SYNE2: variants seen among roughly 807,000 people sequenced by gnomAD.
SYNE2 encodes the protein nesprin-2.
SYNE2 carries 431 observed loss-of-function variants against 856.3 expected under a neutral mutation model. The ratio of observed to expected loss-of-function variants is 0.50; its 90% confidence interval spans 0.47 to 0.55. SYNE2 has a LOEUF of 0.55. SYNE2 is among the 20% of genes least tolerant of loss of function. SYNE2 has a pLI of 0.00. For missense variants in SYNE2, 8,129 were observed against 8,023.2 expected, an observed-to-expected ratio of 1.01 and a Z score of -0.50; for synonymous variants, 2,923 against 2,872.3, an observed-to-expected ratio of 1.02 and a Z score of -0.56.
intron 66 of SYNE2, among the ~76,000 whole-genome samples, chr14:64,116,722 A>G (rs945144424): frequency 6.6e-6 from 1 of 152,308 alleles, no homozygotes; most frequent in East Asian, 1.9e-4. Context: ...GGCCAGTACC[A>G]TTACTTTTAA....
chr14:64,107,163 T>C (rs867392985), intron 64 of SYNE2, among the ~76,000 whole-genome samples: 1 of 152,188 alleles, frequency 6.6e-6, no homozygotes, highest in Non-Finnish European at 1.5e-5. Flanking sequence ...CCATGTAATT[T>C]AAATTTTCAT....
intron 60 of SYNE2, 68 bp downstream of exon 60, chr14:64,091,116 A>G: frequency 1.4e-6 from 2 of 1,430,470 alleles, no homozygotes; most frequent in South Asian, 2.4e-5. Context: ...TTTGGTTTTC[A>G]CTTCTAATTG....
intron 1 of SYNE2, among the ~76,000 whole-genome samples, chr14:63,883,045 C>T (rs1253761370): frequency 2.0e-5 from 3 of 146,722 alleles, no homozygotes; most frequent in African/African-American, 7.6e-5. Flanking sequence ...TGCTTCAGTT[C>T]TTTCTTTTAC....
At chr14:64,070,433 C>G (rs2097396855) in intron 51 of SYNE2, among the ~76,000 whole-genome samples, 1 of 152,172 alleles carries the variant, frequency 6.6e-6, no homozygotes, top group South Asian at 2.1e-4. Context: ...CACAGCAGTA[C>G]TCCATTTCAG....
chr14:64,157,630 CTATTT>C (rs2098296586), intron 85 of SYNE2, among the ~76,000 whole-genome samples: 1 of 152,120 alleles, frequency 6.6e-6, no homozygotes, highest in Admixed American at 6.5e-5. Flanking sequence ...TATGGCAACT[CTATTT>C]AATTTTTTGA....
At chr14:63,824,340 T>C (rs1257968298) in intron 1 of SYNE2, among the ~76,000 whole-genome samples, 2 of 151,896 alleles carry the variant, frequency 1.3e-5, no homozygotes, top group Non-Finnish European at 2.9e-5. Flanking sequence ...AGTGAGATTT[T>C]AAAAAATGCA....
At chr14:64,010,310 A>G (rs775000302) in intron 32 of SYNE2, among the ~76,000 whole-genome samples, 194 bp downstream of exon 32, 1 of 152,208 alleles carries the variant, frequency 6.6e-6, no homozygotes, top group African/African-American at 2.4e-5. Context: ...CACCAAGTTG[A>G]TGGTGGGTCA....
In SYNE2 at chr14:64,003,247, ACTC is replaced by A. The variant is rs1268709534; in HGVS notation, c.4317_4319del (p.Leu1440del). The A allele has an allele frequency of 6.2e-7, 1 of 1,613,548 alleles. No homozygotes were observed. The highest frequency in any genetic ancestry group is 8.5e-7 in the Non-Finnish European group (1 of 1,179,884). On this transcript the variant is annotated inframe_deletion, in exon 30 of 116. Coordinates refer to ENST00000555002, the MANE Select transcript of SYNE2 (RefSeq NM_182914.3). The stretch of plus-strand genomic sequence containing the variant: ...AGGCTTGTATTTTCAAAAATAATGA[ACTC>A]CTTAAAAATATTCAAGATGTGCAGA...
chr14:64,222,585 G>A (rs901704300), intron 112 of SYNE2, among the ~76,000 whole-genome samples: 6 of 152,120 alleles, frequency 3.9e-5, no homozygotes, highest in African/African-American at 1.4e-4. Context: ...AATTAGCTGG[G>A]CATGGTGGCA....
Position 63,954,699 on chromosome 14 carries a change from T to C in SYNE2, c.591-20T>C. On this transcript the variant is annotated intron_variant, in intron 7 of 115. Transcript: ENST00000555002. ...GTTCTTTTTAATGGTATTTGTCATG[T>C]TTTTGTCTTTTTATGATAGCTATGA... 2 of 1,610,520 alleles carry C rather than the reference T, an allele frequency of 1.2e-6. No individual in the cohort carries two copies. Among genetic ancestry groups the C allele is most frequent in the Non-Finnish European group, 1.7e-6 (2 of 1,176,968 alleles).
At chr14:64,106,994 A>C (rs2097776021) in intron 64 of SYNE2, among the ~76,000 whole-genome samples, 1 of 152,148 alleles carries the variant, frequency 6.6e-6, no homozygotes, top group South Asian at 2.1e-4. Flanking sequence ...CCACTCTTTG[A>C]AATGTGGCCT....
chr14:64,183,470 G>T (rs561185771), intron 96 of SYNE2, among the ~76,000 whole-genome samples: 2 of 151,454 alleles, frequency 1.3e-5, no homozygotes, highest in African/African-American at 2.4e-5. Flanking sequence ...CATCCCAGAC[G>T]ATGGGCGGCC....
intron 41 of SYNE2, among the ~76,000 whole-genome samples, chr14:64,025,785 A>G (rs929748559): frequency 5.9e-5 from 9 of 152,174 alleles, no homozygotes; most frequent in African/African-American, 2.2e-4. Context: ...ATGTCGAGGC[A>G]GGGGAGTTCT....
At position 63,807,961 on chromosome 14, in the gene SYNE2, G is replaced by A. The variant is rs1425164303; in HGVS notation, c.-304-44540G>A. Among the ~76,000 whole-genome samples, 3 of 147,086 alleles carry A rather than the reference G, an allele frequency of 2.0e-5. No individual in the cohort carries two copies. In the Admixed American group the frequency reaches 2.1e-4, roughly 10 times the overall value. Reference sequence around the variant, plus strand: ...TTTTGGTGCACCCATTACCTGAACAGTGTACCATGCCCAGTGTGTAGTTTT... The same window carrying A: ...TTTTGGTGCACCCATTACCTGAACAATGTACCATGCCCAGTGTGTAGTTTT... On this transcript the variant is annotated intron_variant, in intron 1 of 23. Transcript: ENST00000674003.
intron 49 of SYNE2, among the ~76,000 whole-genome samples, chr14:64,058,607 G>A (rs969175652): frequency 3.9e-5 from 6 of 152,060 alleles, no homozygotes; most frequent in African/African-American, 1.4e-4. Flanking sequence ...AGCCTCCCAG[G>A]TAACTGAGAT....
At position 63,915,248 on chromosome 14, in the gene SYNE2, T is replaced by C. The variant is rs116997159; in HGVS notation, c.79+6021T>C. Among the ~76,000 whole-genome samples the C allele has an allele frequency of 3.5e-3, 537 of 152,346 alleles. 12 individuals carry two copies. The East Asian group carries it at 0.06, about 17-fold the overall frequency. On this transcript the variant is annotated intron_variant, in intron 2 of 115. Transcript: ENST00000555002. ...TTAAAAGCATGATGCAGGTGGAGGATCTATTTGAAAGTCATAGTAACAAGC... is the reference window on the plus strand; with the variant it reads ...TTAAAAGCATGATGCAGGTGGAGGACCTATTTGAAAGTCATAGTAACAAGC...
At chr14:64,134,317 A>G (rs1320903569) in intron 78 of SYNE2, 117 bp downstream of exon 78, 1 of 1,064,902 alleles carries the variant, frequency 9.4e-7, no homozygotes. Context: ...TGTTCATCAT[A>G]CAACTCACTG....
At chr14:64,097,495 A>G (rs1349183473) in intron 61 of SYNE2, among the ~76,000 whole-genome samples, 1 of 152,214 alleles carries the variant, frequency 6.6e-6, no homozygotes, top group African/African-American at 2.4e-5. Flanking sequence ...GGGGACATGC[A>G]TTTTTAATAT....
intron 2 of SYNE2, among the ~76,000 whole-genome samples, chr14:63,914,637 T>C (rs1231995617): frequency 6.6e-6 from 1 of 152,040 alleles, no homozygotes; most frequent in Non-Finnish European, 1.5e-5. Flanking sequence ...GATAAGAAAA[T>C]CTTTAAGGTG....
Sources: allele counts gnomAD v4.1 joint callset (sites outside exome capture counted in the v4.1 genomes callset), GRCh38; gene constraint gnomAD v4.1.1; transcripts MANE v1.5; gene names NCBI Gene and HGNC (gene_info 2026-07-23, HGNC 2026-07-21).